The following FUT8 variants were observed in gnomAD, a reference collection of about 807,000 sequenced individuals.
The protein encoded by FUT8 is fucosyltransferase 8.
In FUT8, 29 loss-of-function variants were observed where a neutral mutation model predicts 71.3. That is an observed-to-expected ratio of 0.41 (90% CI 0.30 to 0.55). The LOEUF (loss-of-function observed/expected upper bound fraction) is 0.55. FUT8 is among the 20% of genes least tolerant of loss of function. The pLI is 0.34. For missense variants in FUT8, 544 were observed against 702.1 expected (o/e 0.77, Z 2.55); for synonymous variants, 254 against 239.3 (o/e 1.06, Z -0.57).
chr14:65,534,150 G>T lies in FUT8; in HGVS notation c.-227-27187G>T, dbSNP rs146988144. On this transcript the variant is annotated intron_variant, in intron 2 of 10. Coordinates refer to ENST00000673929, the MANE Select transcript of FUT8 (RefSeq NM_001371533.1). ...TTTTGTCTTTGTTTTTTGAGCCAGGGTCTCACTTTGTCACCCAGCCTGGAG... is the reference window on the plus strand; with the variant it reads ...TTTTGTCTTTGTTTTTTGAGCCAGGTTCTCACTTTGTCACCCAGCCTGGAG... Among the ~76,000 whole-genome samples the T allele has an allele frequency of 5.8e-3, 887 of 151,880 alleles. 30 individuals are homozygous for T. In the East Asian group the frequency reaches 0.092, roughly 16 times the overall value.
At chr14:65,722,769 T>C (rs1324589455) in intron 8 of FUT8, among the ~76,000 whole-genome samples, 1 of 152,170 alleles carries the variant, frequency 6.6e-6, no homozygotes, top group Non-Finnish European at 1.5e-5. Flanking sequence ...ACATCTGGGT[T>C]ATAGTCTGGA....
chr14:65,692,618 C>T (rs1341438116), intron 7 of FUT8, among the ~76,000 whole-genome samples: 1 of 151,108 alleles, frequency 6.6e-6, no homozygotes, highest in Non-Finnish European at 1.5e-5. Flanking sequence ...TGACCCCCAC[C>T]CCCCTCCCAG....
the FUT8 span, among the ~76,000 whole-genome samples, chr14:65,379,745 G>A: frequency 1.3e-5 from 2 of 152,138 alleles, no homozygotes; most frequent in African/African-American, 2.4e-5. Context: ...CATGGACTGA[G>A]TAATGTATAA....
intron 7 of FUT8, among the ~76,000 whole-genome samples, chr14:65,677,114 T>G (rs1054005243): frequency 6.4e-5 from 7 of 110,214 alleles, no homozygotes; most frequent in Non-Finnish European, 1.1e-4. Context: ...AAAGACATAT[T>G]TGTGTGTGTG....
chr14:65,522,366 T>A (rs908567395), intron 2 of FUT8, among the ~76,000 whole-genome samples: 3 of 152,260 alleles, frequency 2.0e-5, no homozygotes, highest in Admixed American at 1.3e-4. Context: ...CCTTTTTTTT[T>A]AAAGGGATTT....
chr14:65,640,223 A>C (rs936651997), intron 6 of FUT8, among the ~76,000 whole-genome samples: 2 of 152,028 alleles, frequency 1.3e-5, no homozygotes, highest in South Asian at 4.1e-4. Context: ...ATGAAGAAAA[A>C]TAAAAGGACC....
chr14:65,668,227 C>T (rs1892310724), intron 6 of FUT8, among the ~76,000 whole-genome samples: 1 of 151,900 alleles, frequency 6.6e-6, no homozygotes, highest in South Asian at 2.1e-4. Context: ...GCAAACAGAA[C>T]CTAATTAAAG....
the FUT8 span, among the ~76,000 whole-genome samples, chr14:65,371,983 GTTCATAGTGATACC>G: frequency 6.6e-6 from 1 of 152,122 alleles, no homozygotes; most frequent in Admixed American, 6.5e-5. Context: ...GAAACCATGA[GTTCATAGTGATACC>G]TCCAATTCTA....
chr14:65,525,923 G>C (rs935979549), intron 2 of FUT8, among the ~76,000 whole-genome samples: 1 of 152,188 alleles, frequency 6.6e-6, no homozygotes, highest in African/African-American at 2.4e-5. Flanking sequence ...TGTGGTCTGA[G>C]AGACAGTTTG....
At chr14:65,503,973 T>C (rs1328428696) in intron 2 of FUT8, among the ~76,000 whole-genome samples, 1 of 152,228 alleles carries the variant, frequency 6.6e-6, no homozygotes, top group Non-Finnish European at 1.5e-5. Flanking sequence ...TCAAAATTAC[T>C]GTTATTTTAA....
chr14:65,535,074 A>G (rs554621632), intron 2 of FUT8, among the ~76,000 whole-genome samples: 1 of 150,792 alleles, frequency 6.6e-6, no homozygotes, highest in African/African-American at 2.4e-5. Flanking sequence ...TATAAATGCT[A>G]TTTTTTAATT....
chr14:65,714,608 A>G (rs1027239891), intron 7 of FUT8, among the ~76,000 whole-genome samples: 1 of 150,844 alleles, frequency 6.6e-6, no homozygotes, highest in Non-Finnish European at 1.5e-5. Context: ...TTTTTTTTCT[A>G]TTTCTATGAA....
the FUT8 span, among the ~76,000 whole-genome samples, chr14:65,375,710 A>G: frequency 1.3e-5 from 2 of 152,232 alleles, no homozygotes; most frequent in Non-Finnish European, 2.9e-5. Flanking sequence ...GCCTTGTAGC[A>G]AGTAAGTAGT....
the FUT8 span, among the ~76,000 whole-genome samples, chr14:65,373,293 T>C: frequency 4.0e-5 from 6 of 151,440 alleles, no homozygotes. Context: ...CACCCAAATG[T>C]TGCCTTTTGG....
At chr14:65,383,097 G>T in the FUT8 span, among the ~76,000 whole-genome samples, 2 of 151,518 alleles carry the variant, frequency 1.3e-5, no homozygotes, top group East Asian at 3.9e-4. Context: ...ACCAACCAAC[G>T]CCCCATTTTA....
chr14:65,470,527 C>G (rs2066126521), intron 2 of FUT8, among the ~76,000 whole-genome samples: 1 of 152,216 alleles, frequency 6.6e-6, no homozygotes, highest in African/African-American at 2.4e-5. Flanking sequence ...CTTGCTGGAC[C>G]TGGGCTGGGA....
chr14:65,636,772 C>T (rs879323280), intron 6 of FUT8: 5 of 152,096 alleles, frequency 3.3e-5, no homozygotes, highest in East Asian at 1.9e-4. Context: ...GGAGCAATTT[C>T]ACAGGACATA....
intron 2 of FUT8, among the ~76,000 whole-genome samples, chr14:65,485,636 C>T (rs2066397927): frequency 6.6e-6 from 1 of 152,200 alleles, no homozygotes; most frequent in African/African-American, 2.4e-5. Flanking sequence ...AGTTGTCTCA[C>T]ACTTTGAGCT....
the FUT8 span, among the ~76,000 whole-genome samples, chr14:65,386,794 G>T: frequency 6.8e-6 from 1 of 146,272 alleles, no homozygotes; most frequent in Admixed American, 6.8e-5. Flanking sequence ...ATTTCACATT[G>T]TTGGATGCTG....
Sources: allele counts gnomAD v4.1 joint callset (sites outside exome capture counted in the v4.1 genomes callset), GRCh38; gene constraint gnomAD v4.1.1; transcripts MANE v1.5; gene names NCBI Gene and HGNC (gene_info 2026-07-23, HGNC 2026-07-21).